The following AKT3 variants were observed in gnomAD, a reference collection of about 807,000 sequenced individuals.
AKT3 encodes AKT serine/threonine kinase 3.
In AKT3, 15 loss-of-function variants were observed where a neutral mutation model predicts 65.3. The ratio of observed to expected loss-of-function variants is 0.23; its 90% confidence interval spans 0.15 to 0.35. AKT3 has a LOEUF of 0.35. Ranked by LOEUF, AKT3 falls within the 10% of genes least tolerant of loss-of-function variation. The pLI is 1.00. For synonymous variants in AKT3, 206 were observed against 183.8 expected (o/e 1.12, Z -0.98); for missense variants, 243 against 576.5 (o/e 0.42, Z 5.92).
At chr1:243,669,492 G>T (rs1683027225) in intron 3 of AKT3, among the ~76,000 whole-genome samples, 1 of 152,180 alleles carries the variant, frequency 6.6e-6, no homozygotes, top group Non-Finnish European at 1.5e-5. Context: ...AATGGACTCT[G>T]CAATCAGAAA....
intron 4 of AKT3, among the ~76,000 whole-genome samples, chr1:243,663,334 A>G (rs1682517156): frequency 1.3e-5 from 2 of 152,172 alleles, no homozygotes; most frequent in South Asian, 2.1e-4. Flanking sequence ...ATACATAGGA[A>G]TTAGCCCAAC....
At chr1:243,712,842 A>G (rs1475891285) in intron 2 of AKT3, among the ~76,000 whole-genome samples, 2 of 152,334 alleles carry the variant, frequency 1.3e-5, no homozygotes, top group East Asian at 3.9e-4. Context: ...AGATATATCA[A>G]ATCTCTAACA....
chr1:243,632,482 G>C (rs370790607), intron 6 of AKT3, among the ~76,000 whole-genome samples: 1 of 152,302 alleles, frequency 6.6e-6, no homozygotes, highest in African/African-American at 2.4e-5. Context: ...AAGCTTTGTT[G>C]CTTTACTGAT....
In AKT3 at chr1:243,568,168, C is replaced by A. The variant is rs185109967; in HGVS notation, c.820-4320G>T. Among the ~76,000 whole-genome samples, 19 of 152,244 alleles carry A rather than the reference C, an allele frequency of 1.2e-4. No homozygotes were observed. In the East Asian group the frequency reaches 3.7e-3, roughly 29 times the overall value. The stretch of plus-strand genomic sequence containing the variant: ...TTCCTTCTTCCCTTTGTTAGCCAGA[C>A]AATATGTAATGCATATTGTCACTGA... On this transcript the variant is annotated intron_variant, in intron 9 of 13. Coordinates refer to ENST00000673466, the MANE Select transcript of AKT3 (RefSeq NM_005465.7).
At chr1:243,546,750 A>G (rs1171593618) in intron 11 of AKT3, 3 of 152,236 alleles carry the variant, frequency 2.0e-5, no homozygotes, top group African/African-American at 7.2e-5. Flanking sequence ...TGCAAAACAC[A>G]AAATTTACAA....
intron 2 of AKT3, among the ~76,000 whole-genome samples, chr1:243,718,773 T>A (rs1686684764): frequency 6.6e-6 from 1 of 152,098 alleles, no homozygotes. Context: ...GCACCCAGCC[T>A]CAGCTTCAAT....
At chr1:243,642,204 T>C (rs1037169685) in intron 5 of AKT3, among the ~76,000 whole-genome samples, 3 of 152,268 alleles carry the variant, frequency 2.0e-5, no homozygotes, top group African/African-American at 7.2e-5. Flanking sequence ...GTCAGAATGG[T>C]ATACACAGTA....
chr1:243,824,041 G>C (rs567831136), intron 2 of AKT3, among the ~76,000 whole-genome samples: 1 of 152,198 alleles, frequency 6.6e-6, no homozygotes, highest in East Asian at 1.9e-4. Context: ...TAACAGCATG[G>C]TACTGGTACC....
chr1:243,668,024 C>A (rs1165067851), intron 3 of AKT3, among the ~76,000 whole-genome samples: 1 of 152,160 alleles, frequency 6.6e-6, no homozygotes, highest in Non-Finnish European at 1.5e-5. Context: ...CTCTTACCTG[C>A]TCTATTTTTT....
At chr1:243,788,235 G>C (rs1310213789) in intron 2 of AKT3, among the ~76,000 whole-genome samples, 1 of 152,020 alleles carries the variant, frequency 6.6e-6, no homozygotes, top group Non-Finnish European at 1.5e-5. Flanking sequence ...ATCTAACATG[G>C]AACAAAACAT....
intron 2 of AKT3, among the ~76,000 whole-genome samples, chr1:243,826,601 G>C (rs576118307): frequency 6.6e-6 from 1 of 152,156 alleles, no homozygotes; most frequent in Non-Finnish European, 1.5e-5. Flanking sequence ...CATTACTACA[G>C]CCATCTTGAA....
chr1:243,652,771 C>CAAAAAA (rs371580711), intron 4 of AKT3, among the ~76,000 whole-genome samples: 48 of 31,286 alleles, frequency 1.5e-3, no homozygotes, highest in South Asian at 2.5e-3. Flanking sequence ...AAATAGAAAG[C>CAAAAAA]AAAAAAAAAA....
intron 13 of AKT3, among the ~76,000 whole-genome samples, chr1:243,505,990 C>T (rs1669642164): frequency 6.6e-6 from 1 of 152,258 alleles, no homozygotes; most frequent in Non-Finnish European, 1.5e-5. Flanking sequence ...TCACAGTGTT[C>T]CTCCTGTCAG....
chr1:243,618,748 T>G (rs1370655916), intron 6 of AKT3, among the ~76,000 whole-genome samples: 3 of 152,132 alleles, frequency 2.0e-5, no homozygotes, highest in African/African-American at 7.2e-5. Context: ...TTTTTAATAT[T>G]TTATTTTCCC....
intron 2 of AKT3, among the ~76,000 whole-genome samples, chr1:243,817,724 G>A (rs1693615563): frequency 6.6e-6 from 1 of 152,222 alleles, no homozygotes; most frequent in Admixed American, 6.5e-5. Flanking sequence ...GGGTGATAGA[G>A]TGAGACTCTG....
At chr1:243,795,447 T>C (rs564137899) in intron 2 of AKT3, among the ~76,000 whole-genome samples, 4 of 138,470 alleles carry the variant, frequency 2.9e-5, no homozygotes, top group Admixed American at 7.3e-5. Context: ...CTTGATCTCC[T>C]TGTTTTTTTT....
intron 8 of AKT3, among the ~76,000 whole-genome samples, chr1:243,606,430 G>T (rs1013335648): frequency 1.3e-5 from 2 of 152,190 alleles, no homozygotes; most frequent in Non-Finnish European, 2.9e-5. Flanking sequence ...TGGAGTAAAG[G>T]TGACTCTTGC....
chr1:243,544,705 G>GTTT (rs138565455), intron 12 of AKT3, among the ~76,000 whole-genome samples: 6 of 142,306 alleles, frequency 4.2e-5, no homozygotes, highest in South Asian at 2.2e-4. Context: ...TTTGTTTTTT[G>GTTT]TTTTTTTTTT....
At chr1:243,598,108 T>C (rs1369499556) in intron 8 of AKT3, among the ~76,000 whole-genome samples, 1 of 152,182 alleles carries the variant, frequency 6.6e-6, no homozygotes, top group Non-Finnish European at 1.5e-5. Context: ...GTACACCATA[T>C]CTTTGCATCT....
Sources: allele counts gnomAD v4.1 joint callset (sites outside exome capture counted in the v4.1 genomes callset), GRCh38; gene constraint gnomAD v4.1.1; transcripts MANE v1.5; gene names NCBI Gene and HGNC (gene_info 2026-07-23, HGNC 2026-07-21).